The following ANK3 variants were observed in gnomAD, a reference collection of about 807,000 sequenced individuals.
The protein encoded by ANK3 is ankyrin 3.
ANK3 carries 57 observed loss-of-function variants against 370.9 expected under a neutral mutation model. That is an observed-to-expected ratio of 0.15 (90% CI 0.12 to 0.19). The LOEUF is 0.19. ANK3 is among the 10% of genes least tolerant of loss of function. ANK3 has a pLI of 1.00. For synonymous variants in ANK3, 1,929 were observed against 1,946.3 expected (o/e 0.99, Z 0.23); for missense variants, 4,439 against 5,302.1 (o/e 0.84, Z 5.06).
At position 60,071,092 on chromosome 10, in the gene ANK3, G is replaced by C. The variant is rs2131970397; in HGVS notation, c.9789C>G (p.Asp3263Glu). The C allele has an allele frequency of 6.2e-7, 1 of 1,614,108 alleles. No individual in the cohort carries two copies. Among genetic ancestry groups the C allele is most frequent in the Non-Finnish European group, 8.5e-7 (1 of 1,180,024 alleles). Residue 3263 changes from aspartate to glutamate, a missense_variant, in exon 37 of 44, where the codon GAC becomes GAG. Around this residue, in one of 13 missense-constraint regions of ANK3, gnomAD observed 1,601 missense variants for 1,731.7 expected, o/e 0.92. Transcript: ENST00000280772. ...GATGCTTCTTATCTGACTCAATCTGGTCCGCATCCAGTGGTGGAGGAGGGG... is the reference window on the plus strand; with the variant it reads ...GATGCTTCTTATCTGACTCAATCTGCTCCGCATCCAGTGGTGGAGGAGGGG... The part of the protein sequence containing the change: ...EFPPPPPLDA[D>E]QIESDKKHHY...
At chr10:60,581,212 T>C (rs920761137) in intron 2 of ANK3, among the ~76,000 whole-genome samples, 7 of 152,192 alleles carry the variant, frequency 4.6e-5, no homozygotes, top group African/African-American at 1.4e-4. Context: ...GTCTAAAAAC[T>C]GAAGCCCCAT....
At chr10:60,030,148 T>A (rs959557298) in intron 43 of ANK3, among the ~76,000 whole-genome samples, 3 of 151,856 alleles carry the variant, frequency 2.0e-5, no homozygotes, top group Non-Finnish European at 2.9e-5. Context: ...TGGTTCAACT[T>A]TTTTTCTTTT....
At position 60,228,162 on chromosome 10, in the gene ANK3, A is replaced by T. The variant is rs1006382148; in HGVS notation, c.897+6526T>A. Among the ~76,000 whole-genome samples, 14 of 152,190 alleles carry T rather than the reference A, an allele frequency of 9.2e-5. 1 individual carries two copies. Among genetic ancestry groups the T allele is most frequent in the African/African-American group, 4.8e-5 (2 of 41,446 alleles). On this transcript the variant is annotated intron_variant, in intron 8 of 43. Coordinates refer to ENST00000280772, the MANE Select transcript of ANK3 (RefSeq NM_020987.5). ...TAGTTTGTATTTCTTTCTATCATGC[A>T]CCACTTACGAATATTTCTTCTATGA...
chr10:60,311,925 C>T, intron 1 of ANK3, among the ~76,000 whole-genome samples: 1 of 152,148 alleles, frequency 6.6e-6, no homozygotes, highest in East Asian at 1.9e-4. Context: ...ATTACTGGTT[C>T]ATAGTTTGTT....
chr10:60,288,889 A>AACACACACACACAC lies in ANK3; in HGVS notation c.115-9264_115-9251dup, dbSNP rs35560146. 4.7e-3 allele frequency among the ~76,000 whole-genome samples: 652 copies of AACACACACACACAC among 139,300 alleles called. 3 individuals are homozygous for AACACACACACACAC. The highest frequency in any genetic ancestry group is 6.9e-3 in the African/African-American group (253 of 36,514). The allele number at this position is 139,300 out of a possible 152,430, so 91.4% of individuals were successfully genotyped here. A position where few individuals can be genotyped will look rare whatever the true frequency, so the allele number is the denominator to read the frequency against. ...CCTCAAGGATCTCCCAGGTAGGAAT[A>AACACACACACACAC]ACACACACACACACACACACACACA... is the stretch of plus-strand genomic sequence containing the variant. On this transcript the variant is annotated intron_variant, in intron 1 of 43. Coordinates refer to ENST00000280772, the MANE Select transcript of ANK3 (RefSeq NM_020987.5).
chr10:60,456,581 T>G (rs1000420450), intron 2 of ANK3, among the ~76,000 whole-genome samples: 1 of 152,142 alleles, frequency 6.6e-6, no homozygotes, highest in Non-Finnish European at 1.5e-5. Flanking sequence ...CAATTGGAAT[T>G]TTGATGATGT....
At chr10:60,382,019 T>G (rs2061613844) in intron 1 of ANK3, among the ~76,000 whole-genome samples, 1 of 152,206 alleles carries the variant, frequency 6.6e-6, no homozygotes, top group Non-Finnish European at 1.5e-5. Flanking sequence ...TTTTCATACT[T>G]TCTTTCACTG....
chr10:60,718,497 G>T (rs2079819599), intron 1 of ANK3, among the ~76,000 whole-genome samples: 1 of 151,902 alleles, frequency 6.6e-6, no homozygotes. Flanking sequence ...TGAGGACAGG[G>T]CTACTTAATT....
At chr10:60,374,415 G>A (rs573519515) in intron 1 of ANK3, among the ~76,000 whole-genome samples, 23 of 152,220 alleles carry the variant, frequency 1.5e-4, no homozygotes, top group African/African-American at 5.5e-4. Context: ...AAGAGGGTGA[G>A]GCAGGAGATG....
chr10:60,364,076 TGAA>T (rs2059054461), intron 1 of ANK3, among the ~76,000 whole-genome samples: 2 of 150,496 alleles, frequency 1.3e-5, no homozygotes, highest in African/African-American at 4.9e-5. Flanking sequence ...GGCAGATCAC[TGAA>T]GGTCAGGAGT....
chr10:60,141,588 C>CTTTTTTTTTTTTTTT (rs1266607487), intron 23 of ANK3, among the ~76,000 whole-genome samples: 14 of 24,878 alleles, frequency 5.6e-4, no homozygotes, highest in African/African-American at 2.4e-3. Context: ...TTTTTTTTTG[C>CTTTTTTTTTTTTTTT]TTCCCTCCAG....
intron 1 of ANK3, among the ~76,000 whole-genome samples, chr10:60,651,235 G>A (rs1055143415): frequency 6.6e-6 from 1 of 152,150 alleles, no homozygotes; most frequent in African/African-American, 2.4e-5. Context: ...GCTGATAGAA[G>A]TAATGAAGTC....
chr10:60,643,411 G>A (rs935201141), intron 1 of ANK3, among the ~76,000 whole-genome samples: 4 of 152,010 alleles, frequency 2.6e-5, no homozygotes, highest in Non-Finnish European at 4.4e-5. Context: ...TTTGAAACTC[G>A]GACTGGCTCT....
At chr10:60,409,859 C>T (rs1387760318) in intron 2 of ANK3, among the ~76,000 whole-genome samples, 3 of 152,138 alleles carry the variant, frequency 2.0e-5, no homozygotes, top group African/African-American at 7.2e-5. Flanking sequence ...ACGAGTCTAC[C>T]AGTGTTCTTA....
chr10:60,431,997 A>G (rs940710185), intron 2 of ANK3, among the ~76,000 whole-genome samples: 3 of 152,226 alleles, frequency 2.0e-5, no homozygotes, highest in Non-Finnish European at 4.4e-5. Context: ...AAATGAAATC[A>G]GAATTCCAAA....
At chr10:60,650,186 A>G (rs149616792) in intron 1 of ANK3, among the ~76,000 whole-genome samples, 294 of 152,338 alleles carry the variant, frequency 1.9e-3, no homozygotes, top group African/African-American at 6.8e-3. Context: ...GGAAGGGATC[A>G]ACAAACAGTG....
intron 2 of ANK3, among the ~76,000 whole-genome samples, chr10:60,453,020 A>G (rs2064650817): frequency 6.6e-6 from 1 of 152,248 alleles, no homozygotes; most frequent in Admixed American, 6.5e-5. Flanking sequence ...GAAACTCTGC[A>G]AGTCCAATTT....
intron 2 of ANK3, among the ~76,000 whole-genome samples, chr10:60,613,763 A>C (rs1160998360): frequency 2.0e-5 from 3 of 151,658 alleles, no homozygotes; most frequent in East Asian, 1.9e-4. Context: ...CAAAAACAAA[A>C]AAAAAAATCA....
At position 60,069,072 on chromosome 10, in the gene ANK3, G is replaced by T; in HGVS notation, c.11809C>A (p.Gln3937Lys). 1 of 1,614,066 alleles carries T rather than the reference G, an allele frequency of 6.2e-7. No individual in the cohort carries two copies. Among genetic ancestry groups the T allele is most frequent in the Non-Finnish European group, 8.5e-7 (1 of 1,180,002 alleles). ...TGTTTGGCCTTGCCTTTCTCTGGCT[G>T]CCCTTGCTTTTGTGTGGCACATGCT... Reference protein sequence around the residue: ...RKACATQKQGQPEKGKAKQLP... With the variant: ...RKACATQKQGKPEKGKAKQLP... The change falls in exon 37 of 44, where the codon CAG becomes AAG. Residue 3937 changes from glutamine (Q) to lysine (K), a missense_variant. By Grantham distance (53) the Gln-to-Lys change is moderately conservative (BLOSUM62 1). Coordinates refer to ENST00000280772, the MANE Select transcript of ANK3 (RefSeq NM_020987.5).
Sources: allele counts gnomAD v4.1 joint callset (sites outside exome capture counted in the v4.1 genomes callset), GRCh38; gene constraint gnomAD v4.1.1; regional missense constraint gnomAD v4.1.1; transcripts MANE v1.5; gene names NCBI Gene and HGNC (gene_info 2026-07-23, HGNC 2026-07-21).